Variants in MGAT5 observed in about 807,000 individuals in gnomAD.
MGAT5 encodes alpha-1,6-mannosylglycoprotein 6-beta-N-acetylglucosaminyltransferase A.
A neutral mutation model predicts 94.3 loss-of-function variants in MGAT5; 30 were observed. That is an observed-to-expected ratio of 0.32 (90% confidence interval 0.24 to 0.43). MGAT5 has a LOEUF of 0.43. MGAT5 is among the 20% of genes least tolerant of loss of function. The pLI is 1.00. For missense variants in MGAT5, 691 were observed against 905.5 expected (o/e 0.76, Z 3.04); for synonymous variants, 310 against 322.9 (o/e 0.96, Z 0.43).
At chr2:134,165,585 C>A (rs1429853035) in intron 1 of MGAT5, among the ~76,000 whole-genome samples, 1 of 152,118 alleles carries the variant, frequency 6.6e-6, no homozygotes, top group Non-Finnish European at 1.5e-5. Flanking sequence ...ACCATCCTGG[C>A]TAACAGGGTG....
chr2:134,378,427 C>CT (rs1681325063), intron 10 of MGAT5, among the ~76,000 whole-genome samples: 1 of 152,146 alleles, frequency 6.6e-6, no homozygotes, highest in Non-Finnish European at 1.5e-5. Flanking sequence ...GTAGAAGTGT[C>CT]TATCAAACCC....
At chr2:134,247,221 C>G (rs1682322527) in intron 1 of MGAT5, among the ~76,000 whole-genome samples, 1 of 152,104 alleles carries the variant, frequency 6.6e-6, no homozygotes, top group Admixed American at 6.5e-5. Context: ...CATCTAAAGA[C>G]AGTTGTCACT....
intron 1 of MGAT5, among the ~76,000 whole-genome samples, chr2:134,197,826 C>T (rs1189826296): frequency 2.0e-5 from 3 of 152,126 alleles, no homozygotes; most frequent in Non-Finnish European, 2.9e-5. Context: ...GTGTTGCTCT[C>T]CTTTGTATGC....
intron 10 of MGAT5, among the ~76,000 whole-genome samples, chr2:134,398,677 T>C (rs1404026306): frequency 6.6e-6 from 1 of 152,152 alleles, no homozygotes; most frequent in Non-Finnish European, 1.5e-5. Context: ...CGGAATTAGC[T>C]TGAGTGTCCA....
intron 1 of MGAT5, among the ~76,000 whole-genome samples, chr2:134,260,845 A>G (rs1683289800): frequency 6.6e-6 from 1 of 152,008 alleles, no homozygotes; most frequent in South Asian, 2.1e-4. Context: ...TGGGCTGTTC[A>G]GTGTGTCTGA....
At chr2:134,127,112 G>C (rs1020720285) in intron 1 of MGAT5, 2 of 154,642 alleles carry the variant, frequency 1.3e-5, no homozygotes, top group Non-Finnish European at 2.9e-5. Flanking sequence ...AGAGCACCTA[G>C]TTAGAGGCCC....
At chr2:134,191,419 C>T (rs1349155844) in intron 1 of MGAT5, among the ~76,000 whole-genome samples, 4 of 152,224 alleles carry the variant, frequency 2.6e-5, no homozygotes, top group African/African-American at 9.6e-5. Context: ...ATCGCGGGAG[C>T]GCGTTCCTGA....
At chr2:134,128,200 C>T (rs1685939554) in intron 1 of MGAT5, among the ~76,000 whole-genome samples, 2 of 146,076 alleles carry the variant, frequency 1.4e-5, no homozygotes, top group South Asian at 2.1e-4. Context: ...AAGACTCCTG[C>T]CTCTACAAAG....
At chr2:134,361,478 A>G (rs537977857) in intron 9 of MGAT5, among the ~76,000 whole-genome samples, 1 of 152,314 alleles carries the variant, frequency 6.6e-6, no homozygotes, top group East Asian at 1.9e-4. Flanking sequence ...TGCTGGTGAA[A>G]TGCCTTTTAA....
At chr2:134,369,727 T>TTTGTGTGTGTG (rs1553455659) in intron 10 of MGAT5, among the ~76,000 whole-genome samples, 1 of 142,196 alleles carries the variant, frequency 7.0e-6, no homozygotes, top group African/African-American at 2.6e-5. Flanking sequence ...GGTTTTTACA[T>TTTGTGTGTGTG]TGTGTGTGTG....
At chr2:134,242,535 C>T (rs1212416917) in intron 1 of MGAT5, among the ~76,000 whole-genome samples, 1 of 152,198 alleles carries the variant, frequency 6.6e-6, no homozygotes, top group Non-Finnish European at 1.5e-5. Flanking sequence ...ATCTGATCTG[C>T]CCCTGCTCTT....
intron 4 of MGAT5, among the ~76,000 whole-genome samples, chr2:134,332,136 C>T (rs1050383459): frequency 6.6e-6 from 1 of 152,034 alleles, no homozygotes; most frequent in African/African-American, 2.4e-5. Context: ...CCAAGTCAAT[C>T]CTAAGCCAAA....
chr2:134,177,798 A>G (rs919808170), intron 1 of MGAT5, among the ~76,000 whole-genome samples: 6 of 152,230 alleles, frequency 3.9e-5, no homozygotes, highest in Admixed American at 2.0e-4. Context: ...GATGCTGACA[A>G]TGAGAGTGAA....
intron 10 of MGAT5, among the ~76,000 whole-genome samples, chr2:134,394,633 C>A (rs1281865244): frequency 6.6e-6 from 1 of 152,006 alleles, no homozygotes; most frequent in Non-Finnish European, 1.5e-5. Context: ...TTAATTTATT[C>A]TTTACTGATG....
At chr2:134,253,122 C>A (rs1374795254), upstream of MGAT5, 1 of 152,092 alleles carries the variant, frequency 6.6e-6, no homozygotes, top group East Asian at 1.9e-4. Context: ...AGAGGCAGAC[C>A]AACAGTGATC....
intron 13 of MGAT5, among the ~76,000 whole-genome samples, chr2:134,425,894 C>CT (rs58839374): frequency 0.032 from 4,680 of 144,452 alleles, 118 homozygotes; most frequent in East Asian, 0.16. Flanking sequence ...AGTAACAGTC[C>CT]TTTTTTTTTT....
chr2:134,205,160 A>T (rs1392179587), intron 1 of MGAT5, among the ~76,000 whole-genome samples: 1 of 152,242 alleles, frequency 6.6e-6, no homozygotes, highest in African/African-American at 2.4e-5. Context: ...GGCAGTGGCC[A>T]GACCATGTAG....
At chr2:134,224,547 T>C (rs1680955932) in intron 1 of MGAT5, among the ~76,000 whole-genome samples, 2 of 152,132 alleles carry the variant, frequency 1.3e-5, no homozygotes, top group African/African-American at 2.4e-5. Context: ...CTTGAGAGAT[T>C]TGAAATGATA....
intron 9 of MGAT5, among the ~76,000 whole-genome samples, chr2:134,353,475 A>G (rs1158650500): frequency 1.3e-5 from 2 of 152,232 alleles, no homozygotes; most frequent in Non-Finnish European, 2.9e-5. Flanking sequence ...TGATACACCA[A>G]CCAAGAAAAC....
Sources: gnomAD v4.1 joint callset for allele counts (sites outside exome capture counted in the v4.1 genomes callset) on GRCh38, gnomAD v4.1.1 for gene constraint, MANE v1.5 for transcripts, NCBI Gene and HGNC (gene_info 2026-07-23, HGNC 2026-07-21) for gene names.